The following COTL1 variants were observed in gnomAD, a reference collection of about 807,000 sequenced individuals.
The protein encoded by COTL1 is coactosin-like protein.
COTL1 carries 15 observed loss-of-function variants against 16.5 expected under a neutral mutation model. The observed-to-expected ratio is 0.91, with a 90% CI of 0.61 to 1.40. The LOEUF is 1.40. COTL1 is among the 40% of genes most tolerant of loss of function. COTL1 has a pLI of 0.00. For synonymous variants in COTL1, 112 were observed against 85.3 expected (o/e 1.31, Z -1.73); for missense variants, 220 against 201.5 (o/e 1.09, Z -0.56).
intron 3 of COTL1, among the ~76,000 whole-genome samples, chr16:84,570,016 G>A (rs1324392052): frequency 6.6e-6 from 1 of 152,230 alleles, no homozygotes; most frequent in Non-Finnish European, 1.5e-5. Context: ...GGTGGCTCAT[G>A]CCTGTAATCC....
At chr16:84,593,633 C>T (rs4782639) in intron 2 of COTL1, among the ~76,000 whole-genome samples, 113,496 of 151,480 alleles carry the variant, frequency 0.75, 42,676 homozygotes, top group South Asian at 0.85. Flanking sequence ...TGCCTCAGCC[C>T]CCCGAGTAGC....
At chr16:84,603,680 G>A (rs899530122) in intron 2 of COTL1, among the ~76,000 whole-genome samples, 27 of 152,134 alleles carry the variant, frequency 1.8e-4, no homozygotes, top group African/African-American at 6.5e-4. Context: ...GGGGAGCCGG[G>A]AGTTCAGAGG....
At chr16:84,613,098 T>C (rs1597187756) in intron 2 of COTL1, among the ~76,000 whole-genome samples, 1 of 151,958 alleles carries the variant, frequency 6.6e-6, no homozygotes, top group East Asian at 1.9e-4. Context: ...CCTCCTGGGT[T>C]CAAGTGATTC....
intron 2 of COTL1, among the ~76,000 whole-genome samples, chr16:84,599,937 G>A (rs1457180865): frequency 6.6e-6 from 1 of 152,198 alleles, no homozygotes; most frequent in African/African-American, 2.4e-5. Context: ...GCTGCTAAGG[G>A]GAGAGAGGGC....
chr16:84,580,901 T>C (rs34003912), intron 3 of COTL1, among the ~76,000 whole-genome samples: 34,966 of 152,074 alleles, frequency 0.23, 4,121 homozygotes, highest in Non-Finnish European at 0.27. Context: ...GCCAGCACTT[T>C]GGGAGGCTGA....
intron 3 of COTL1, among the ~76,000 whole-genome samples, chr16:84,583,258 C>A (rs1450095860): frequency 1.3e-5 from 2 of 152,182 alleles, no homozygotes; most frequent in East Asian, 3.8e-4. Context: ...AAGTGGCAGA[C>A]CTGGCCTCGT....
At chr16:84,580,558 C>T (rs188687000) in intron 3 of COTL1, among the ~76,000 whole-genome samples, 10 of 152,298 alleles carry the variant, frequency 6.6e-5, no homozygotes, top group Admixed American at 1.3e-4. Context: ...GCAGATGCAT[C>T]GCTTTTGAGT....
intron 2 of COTL1, among the ~76,000 whole-genome samples, chr16:84,609,124 C>T (rs927837495): frequency 6.6e-6 from 1 of 152,066 alleles, no homozygotes; most frequent in Non-Finnish European, 1.5e-5. Context: ...TTCTGAAACC[C>T]GGGTGTGTAT....
chr16:84,617,999 C>T lies in COTL1; in HGVS notation c.-85G>A. 1 of 887,124 alleles carries T rather than the reference C, an allele frequency of 1.1e-6. No individual in the cohort carries two copies. Among genetic ancestry groups the T allele is most frequent in the South Asian group, 3.9e-5 (1 of 25,662 alleles). 55.0% of individuals were successfully genotyped at this position (887,124 alleles called of 1,614,324 possible). On this transcript the variant is annotated 5_prime_UTR_variant, in exon 1 of 4. Coordinates refer to ENST00000262428, the MANE Select transcript of COTL1 (RefSeq NM_021149.5). ...CGGGGATGGGAGCGCGGCGGGTACG[C>T]GCCGAGGGCGCACGGGCTGGCGGCG...
At chr16:84,584,889 G>A (rs902431815) in intron 3 of COTL1, among the ~76,000 whole-genome samples, 1 of 152,086 alleles carries the variant, frequency 6.6e-6, no homozygotes, top group African/African-American at 2.4e-5. Context: ...TAAGCCATGT[G>A]CCCAAGGCCA....
At position 84,565,667 on chromosome 16, in the gene COTL1, ATACAG is replaced by A. The variant is rs1567528569; in HGVS notation, c.*1173_*1177del. The A allele has an allele frequency of 6.5e-6, 1 of 152,682 alleles. No homozygotes were observed. The highest frequency in any genetic ancestry group is 2.4e-5 in the African/African-American group (1 of 41,464). The allele number at this position is 152,682 out of a possible 1,614,324, so 9.5% of individuals were successfully genotyped here. ...TGCAGAGATGTTCTTTACAATCCCAATACAGTACAGATTTCTTCCCCAAAACGAAA... is the reference window on the plus strand; with the variant it reads ...TGCAGAGATGTTCTTTACAATCCCAATACAGATTTCTTCCCCAAAACGAAA... On this transcript the variant is annotated 3_prime_UTR_variant, in exon 4 of 4. Transcript: ENST00000262428.
chr16:84,600,742 A>G (rs187071777), intron 2 of COTL1, among the ~76,000 whole-genome samples: 15 of 152,292 alleles, frequency 9.8e-5, no homozygotes, highest in Non-Finnish European at 1.8e-4. Context: ...ATGATCCCCG[A>G]TTCATTGCAT....
intron 2 of COTL1, among the ~76,000 whole-genome samples, chr16:84,612,091 T>C (rs1386552843): frequency 6.6e-6 from 1 of 152,146 alleles, no homozygotes; most frequent in Non-Finnish European, 1.5e-5. Context: ...CCACATCACT[T>C]GAATTCCAAA....
intron 2 of COTL1, among the ~76,000 whole-genome samples, chr16:84,604,387 C>T (rs545338629): frequency 6.6e-4 from 97 of 147,694 alleles, no homozygotes; most frequent in African/African-American, 2.3e-3. Context: ...GAGCCTCATC[C>T]TCCTTTTTTC....
At chr16:84,579,260 G>A (rs548549026) in intron 3 of COTL1, among the ~76,000 whole-genome samples, 5 of 152,358 alleles carry the variant, frequency 3.3e-5, no homozygotes, top group African/African-American at 9.6e-5. Flanking sequence ...ACTTTGGGAG[G>A]CCCAGGCAGG....
intron 2 of COTL1, among the ~76,000 whole-genome samples, chr16:84,607,427 C>T (rs1223384188): frequency 6.6e-6 from 1 of 152,154 alleles, no homozygotes. Context: ...CTCCAGCAAG[C>T]GACTCTGGCT....
chr16:84,579,503 A>G (rs890239965), intron 3 of COTL1, among the ~76,000 whole-genome samples: 1 of 152,234 alleles, frequency 6.6e-6, no homozygotes, highest in African/African-American at 2.4e-5. Context: ...ACAAATTATA[A>G]AAACAAAAAG....
At chr16:84,572,298 C>T (rs1597166617) in intron 3 of COTL1, among the ~76,000 whole-genome samples, 2 of 152,150 alleles carry the variant, frequency 1.3e-5, no homozygotes, top group South Asian at 4.1e-4. Flanking sequence ...GCATGCAAAG[C>T]GTGGCCACCC....
intron 2 of COTL1, among the ~76,000 whole-genome samples, chr16:84,598,726 A>G: frequency 7.0e-6 from 1 of 142,964 alleles, no homozygotes; most frequent in Admixed American, 7.0e-5. Flanking sequence ...GAGGGGGTAA[A>G]GGAGAGACAG....
Sources: allele counts gnomAD v4.1 joint callset (sites outside exome capture counted in the v4.1 genomes callset), GRCh38; gene constraint gnomAD v4.1.1; transcripts MANE v1.5; gene names NCBI Gene and HGNC (gene_info 2026-07-23, HGNC 2026-07-21).